The following EMP2 variants were observed in gnomAD, a reference collection of about 807,000 sequenced individuals.
EMP2 encodes the protein epithelial membrane protein 2.
In EMP2, 19 loss-of-function variants were observed where a neutral mutation model predicts 13.7. The observed-to-expected ratio is 1.38, with a 90% CI of 0.97 to 2.03. The LOEUF (loss-of-function observed/expected upper bound fraction) is 2.03, where lower values mean the gene tolerates loss of function less well. Ranked by LOEUF, EMP2 falls within the 30% of genes most tolerant of loss-of-function variation. The probability of loss-of-function intolerance (pLI) is 0.00; values close to 1 mark genes in which losing one functional copy is unlikely to be tolerated. For synonymous variants in EMP2, 97 were observed against 84.7 expected (o/e 1.15, Z -0.80); for missense variants, 253 against 220.7 (o/e 1.15, Z -0.93).
chr16:10,534,043 A>G lies in EMP2; in HGVS notation c.317-951T>C, dbSNP rs377080374. Among the ~76,000 whole-genome samples the G allele has an allele frequency of 5.1e-4, 78 of 152,148 alleles. 1 individual carries two copies. In the South Asian group the frequency reaches 0.016, roughly 30 times the overall value. On this transcript the variant is annotated intron_variant, in intron 4 of 4. Transcript: ENST00000359543. ...GGCAGGAGAATCGCTTTAACTCACG[A>G]GGCAGAGGTTGCAGTGAGCCGAGAT...
At position 10,541,406 on chromosome 16, in the gene EMP2, G is replaced by GGT. The variant is rs149987723; in HGVS notation, c.169+2162_169+2163dup. On this transcript the variant is annotated intron_variant, in intron 3 of 4. Coordinates refer to ENST00000359543, the MANE Select transcript of EMP2 (RefSeq NM_001424.6). ...ATGTTCTTTTTGTTTTGTTTTTAGG[G>GGT]GTGTGTGTGTGTGTGTAAACAACTT... Among the ~76,000 whole-genome samples the GGT allele has an allele frequency of 5.8e-4, 88 of 151,648 alleles. 1 individual carries two copies. Among genetic ancestry groups the GGT allele is most frequent in the African/African-American group, 1.3e-3 (52 of 41,358 alleles).
At chr16:10,577,642 GCC>G (rs2050992706) in intron 1 of EMP2, among the ~76,000 whole-genome samples, 1 of 151,980 alleles carries the variant, frequency 6.6e-6, no homozygotes, top group Non-Finnish European at 1.5e-5. Context: ...GATGCCAACT[GCC>G]CTCTTCCTTC....
intron 1 of EMP2, among the ~76,000 whole-genome samples, chr16:10,562,356 C>A (rs1435486033): frequency 6.7e-6 from 1 of 149,838 alleles, no homozygotes; most frequent in Non-Finnish European, 1.5e-5. Flanking sequence ...CTCTCTCTCT[C>A]TCTCTCTCTC....
chr16:10,537,976 T>G lies in EMP2; in HGVS notation c.268A>C (p.Lys90Gln). 1.9e-6 allele frequency: 3 copies of G among 1,614,028 alleles called. No homozygotes were observed. Among genetic ancestry groups the G allele is most frequent in the Middle Eastern group, 1.6e-4 (1 of 6,062 alleles). ...FIFVLQLFRL[K>Q]QGERFVLTSI... ...GTTAGGACAAACCTCTCTCCCTGCT[T>G]CAGGCGGAAGAGCTGGAGCACGAAG... Residue 90 changes from lysine (K) to glutamine (Q), a missense_variant, in exon 4 of 5, where the codon AAG becomes CAG. Lys to Gln is a moderately conservative substitution (Grantham distance 53). Transcript: ENST00000359543.
chr16:10,541,688 C>T (rs567960324), intron 3 of EMP2, among the ~76,000 whole-genome samples: 33 of 152,172 alleles, frequency 2.2e-4, no homozygotes, highest in Admixed American at 2.0e-3. Flanking sequence ...GAATAACAGA[C>T]GAGATGGAAG....
Position 10,547,650 on chromosome 16 carries a change from T to C in EMP2, c.-33A>G, listed in dbSNP as rs751936119. The C allele has an allele frequency of 1.9e-6, 3 of 1,610,672 alleles. No individual in the cohort carries two copies. Among genetic ancestry groups the C allele is most frequent in the Non-Finnish European group, 2.5e-6 (3 of 1,177,398 alleles). On this transcript the variant is annotated 5_prime_UTR_variant, in exon 2 of 5. Transcript: ENST00000359543. ...GGGCAGGGCGAGTCGAGGCGAGGGG[T>C]CACGTTTAAAGCCCAGAGCGGGATG...
intron 3 of EMP2, among the ~76,000 whole-genome samples, chr16:10,543,086 T>C (rs2050713139): frequency 6.6e-6 from 1 of 152,300 alleles, no homozygotes; most frequent in African/African-American, 2.4e-5. Flanking sequence ...CCTCAAGTGA[T>C]CCATCCGCCT....
rs191288833 is a variant in EMP2, at chr16:10,563,420, G to C, written c.-60-15743C>G. Among the ~76,000 whole-genome samples, 11 of 152,298 alleles carry C rather than the reference G, an allele frequency of 7.2e-5. No individual in the cohort carries two copies. The East Asian group carries it at 2.1e-3, about 29-fold the overall frequency. On this transcript the variant is annotated intron_variant, in intron 1 of 4. Coordinates refer to ENST00000359543, the MANE Select transcript of EMP2 (RefSeq NM_001424.6). The stretch of plus-strand genomic sequence containing the variant: ...TTGGCCAGGCTGTTCTCAAACTCCT[G>C]ACCTCAAATGATCCACCTGCCTTGG...
intron 1 of EMP2, among the ~76,000 whole-genome samples, chr16:10,554,654 A>C (rs1346361685): frequency 1.3e-5 from 2 of 152,170 alleles, no homozygotes; most frequent in African/African-American, 4.8e-5. Flanking sequence ...GAAAAATGTA[A>C]CAGTAAATAC....
intron 1 of EMP2, among the ~76,000 whole-genome samples, chr16:10,566,672 G>A (rs1309803727): frequency 2.6e-5 from 4 of 152,156 alleles, no homozygotes; most frequent in Admixed American, 1.3e-4. Context: ...CTCCAACCAC[G>A]AAGTCAGTTC....
Position 10,547,310 on chromosome 16 carries a change from C to T in EMP2, c.78+230G>A. The T allele has an allele frequency of 6.0e-6, 3 of 502,324 alleles. No homozygotes were observed. In the East Asian group the frequency reaches 1.0e-4, roughly 17 times the overall value. 31.1% of individuals were successfully genotyped at this position (502,324 alleles called of 1,614,324 possible). A position where few individuals can be genotyped will look rare whatever the true frequency, so the allele number is the denominator to read the frequency against. On this transcript the variant is annotated intron_variant, in intron 2 of 4. Coordinates refer to ENST00000359543, the MANE Select transcript of EMP2 (RefSeq NM_001424.6). ...GGTTTTATAAAGGGCAGTTCCCCTG[C>T]ACACGCTCTCTTGCCTGCCACCATG...
chr16:10,569,644 C>T (rs887656102), intron 1 of EMP2, among the ~76,000 whole-genome samples: 3 of 152,256 alleles, frequency 2.0e-5, no homozygotes, highest in Admixed American at 1.3e-4. Context: ...ACATGCATTA[C>T]GCTGTAAATG....
chr16:10,542,923 G>A (rs1052214008), intron 3 of EMP2, among the ~76,000 whole-genome samples: 3 of 152,208 alleles, frequency 2.0e-5, no homozygotes, highest in African/African-American at 4.8e-5. Flanking sequence ...TCGGCTCACC[G>A]CAACCTCCGC....
chr16:10,565,778 A>G (rs760598974), intron 1 of EMP2, among the ~76,000 whole-genome samples: 3 of 152,182 alleles, frequency 2.0e-5, no homozygotes, highest in Non-Finnish European at 2.9e-5. Context: ...ATGGGAACCC[A>G]TTCCGATGCA....
intron 1 of EMP2, among the ~76,000 whole-genome samples, chr16:10,563,184 TTTATTA>T (rs150005955): frequency 2.0e-5 from 3 of 151,202 alleles, no homozygotes; most frequent in South Asian, 2.1e-4. Flanking sequence ...GCATTTCCTC[TTTATTA>T]TTATTATTAT....
rs750485335 is a variant in EMP2 at position 10,539,005 on chromosome 16, G to A, written c.170-931C>T. ...AAAATTTTTGTAGGGATGGAGTCTC[G>A]CTATGTTGCTCACGGTGGTCTTGAA... On this transcript the variant is annotated intron_variant, in intron 3 of 4. Transcript: ENST00000359543. Among the ~76,000 whole-genome samples the A allele has an allele frequency of 3.3e-5, 5 of 152,018 alleles. No homozygotes were observed. In the South Asian group the frequency reaches 6.3e-4, roughly 19 times the overall value.
chr16:10,542,175 A>G (rs868834731), intron 3 of EMP2, among the ~76,000 whole-genome samples: 39 of 152,146 alleles, frequency 2.6e-4, no homozygotes, highest in African/African-American at 7.7e-4. Flanking sequence ...AGGTGGGCAG[A>G]TCTCTGGAGC....
chr16:10,554,035 CTTTTTTT>C (rs34514394), intron 1 of EMP2, among the ~76,000 whole-genome samples: 1 of 138,132 alleles, frequency 7.2e-6, no homozygotes, highest in African/African-American at 2.7e-5. Flanking sequence ...TTCTTTCTTT[CTTTTTTT>C]TTTTTTTGAG....
At position 10,530,613 on chromosome 16, in the gene EMP2, A is replaced by G. The variant is rs2050591654; in HGVS notation, c.*2292T>C. 1 of 152,098 alleles carries G rather than the reference A, an allele frequency of 6.6e-6. No individual in the cohort carries two copies. Among genetic ancestry groups the G allele is most frequent in the East Asian group, 1.9e-4 (1 of 5,140 alleles). The allele number at this position is 152,098 out of a possible 1,614,324, so 9.4% of individuals were successfully genotyped here. A position where few individuals can be genotyped will look rare whatever the true frequency, so the allele number is the denominator to read the frequency against. ...GTGGTCTGCATTGCCACACAGCATC[A>G]TGCTTTGATCCTGAAGGACAAGGCC... is the stretch of plus-strand genomic sequence containing the variant. On this transcript the variant is annotated 3_prime_UTR_variant, in exon 5 of 5. Coordinates refer to ENST00000359543, the MANE Select transcript of EMP2 (RefSeq NM_001424.6).
Sources: allele counts gnomAD v4.1 joint callset (sites outside exome capture counted in the v4.1 genomes callset), GRCh38; gene constraint gnomAD v4.1.1; transcripts MANE v1.5; gene names NCBI Gene and HGNC (gene_info 2026-07-23, HGNC 2026-07-21).